The following TNIK variants were observed in gnomAD, a reference collection of about 807,000 sequenced individuals.
TNIK encodes the protein TRAF2 and NCK-interacting protein kinase.
TNIK carries 49 observed loss-of-function variants against 191.3 expected under a neutral mutation model. That is an observed-to-expected ratio of 0.26 (90% confidence interval 0.20 to 0.32). The LOEUF (loss-of-function observed/expected upper bound fraction) is 0.32, where lower values mean the gene tolerates loss of function less well. TNIK is among the 10% of genes least tolerant of loss of function. TNIK has a pLI of 1.00. For missense variants in TNIK, 1,155 were observed against 1,702.3 expected, an observed-to-expected ratio of 0.68 and a Z score of 5.66; for synonymous variants, 594 against 600.9, an observed-to-expected ratio of 0.99 and a Z score of 0.17.
intron 2 of TNIK, among the ~76,000 whole-genome samples, chr3:171,365,577 A>C (rs1715624534): frequency 6.6e-6 from 1 of 152,216 alleles, no homozygotes. Context: ...CATTTTAAGA[A>C]GGCAGGATCT....
intron 28 of TNIK, among the ~76,000 whole-genome samples, chr3:171,077,319 G>A (rs567917303): frequency 1.3e-5 from 2 of 152,088 alleles, no homozygotes; most frequent in African/African-American, 4.8e-5. Context: ...GGGTATTTTC[G>A]TCATCTTCCT....
chr3:171,105,113 A>G (rs1361956474), intron 21 of TNIK, among the ~76,000 whole-genome samples: 1 of 150,514 alleles, frequency 6.6e-6, no homozygotes, highest in Non-Finnish European at 1.5e-5. Flanking sequence ...TAGCAATAAC[A>G]AGCGACAATA....
Position 171,101,569 on chromosome 3 carries a change from T to C in TNIK, c.2471A>G (p.Lys824Arg). ...LRIEETNRPM[K>R]KVTDYSSSSE... ...GGAGGAGGAGTAATCAGTCACCTTC[T>C]TCATTGGGCGGTTTGTTTCTTCAAT... Residue 824 changes from lysine (K) to arginine (R), a missense_variant, in exon 22 of 33, where the codon AAG (lysine) becomes AGG (arginine). By Grantham distance (26) the Lys-to-Arg change is conservative (BLOSUM62 2). This residue lies in a region of TNIK where 735 missense variants were observed against 848.0 expected (regional missense o/e 0.87). Coordinates refer to ENST00000436636, the MANE Select transcript of TNIK (RefSeq NM_015028.4). The C allele has an allele frequency of 1.9e-6, 3 of 1,613,442 alleles. No individual in the cohort carries two copies. Among genetic ancestry groups the C allele is most frequent in the South Asian group, 2.2e-5 (2 of 91,050 alleles).
At chr3:171,322,149 C>G (rs1755230474) in intron 2 of TNIK, among the ~76,000 whole-genome samples, 1 of 152,094 alleles carries the variant, frequency 6.6e-6, no homozygotes, top group Non-Finnish European at 1.5e-5. Context: ...TAGCAATGCT[C>G]TCATAGAGAA....
At chr3:171,348,682 C>A (rs1221673807) in intron 2 of TNIK, among the ~76,000 whole-genome samples, 2 of 151,964 alleles carry the variant, frequency 1.3e-5, no homozygotes, top group Admixed American at 1.3e-4. Flanking sequence ...GAGAAAGGGG[C>A]CCACGGAGGC....
chr3:171,391,565 C>T (rs552563172), intron 1 of TNIK, among the ~76,000 whole-genome samples: 28 of 152,300 alleles, frequency 1.8e-4, no homozygotes, highest in South Asian at 4.2e-4. Context: ...TACTTATCTT[C>T]ACATAAATAA....
Position 171,060,067 on chromosome 3 carries a change from C to T in TNIK, c.*3814G>A, listed in dbSNP as rs536654958. Among the ~76,000 whole-genome samples the T allele has an allele frequency of 2.6e-5, 4 of 152,290 alleles. No homozygotes were observed. Among genetic ancestry groups the T allele is most frequent in the Admixed American group, 2.6e-4 (4 of 15,294 alleles). ...AGCACATCTTACATCTTAAAGCAATCAGCACAAATGCAAGTGATGCCTGTT... is the reference window on the plus strand; with the variant it reads ...AGCACATCTTACATCTTAAAGCAATTAGCACAAATGCAAGTGATGCCTGTT... On this transcript the variant is annotated 3_prime_UTR_variant, in exon 33 of 33. Coordinates refer to ENST00000436636, the MANE Select transcript of TNIK (RefSeq NM_015028.4).
intron 3 of TNIK, among the ~76,000 whole-genome samples, chr3:171,215,635 C>T (rs918899701): frequency 6.6e-6 from 1 of 152,094 alleles, no homozygotes; most frequent in African/African-American, 2.4e-5. Flanking sequence ...CATCTTAAGC[C>T]AGGGCAGAAG....
intron 1 of TNIK, among the ~76,000 whole-genome samples, chr3:171,443,492 T>C (rs1727094311): frequency 6.6e-6 from 1 of 152,156 alleles, no homozygotes; most frequent in African/African-American, 2.4e-5. Flanking sequence ...AGTTTTCAAA[T>C]GATGTCATTC....
At position 171,066,636 on chromosome 3, in the gene TNIK, T is replaced by C; in HGVS notation, c.3799A>G (p.Thr1267Ala). The C allele has an allele frequency of 6.2e-7, 1 of 1,613,816 alleles. No individual in the cohort carries two copies. The highest frequency in any genetic ancestry group is 8.5e-7 in the Non-Finnish European group (1 of 1,179,862). Residue 1267 changes from threonine (T) to alanine (A), a missense_variant, in exon 31 of 33, where the codon ACC (threonine) becomes GCC (alanine). Physicochemically the swap from Thr to Ala is moderately conservative, Grantham distance 58 (BLOSUM62 0). Coordinates refer to ENST00000436636, the MANE Select transcript of TNIK (RefSeq NM_015028.4). ...CYEDEGVYVN[T>A]YGRITKDVVL... The stretch of plus-strand genomic sequence containing the variant: ...ACATCCTTAGTTATCCGGCCATAGG[T>C]GTTTACATACACCCCCTCATCCTCA...
chr3:171,425,648 A>T (rs1016088983), intron 1 of TNIK, among the ~76,000 whole-genome samples: 1 of 152,096 alleles, frequency 6.6e-6, no homozygotes, highest in Non-Finnish European at 1.5e-5. Flanking sequence ...CAACATGGTG[A>T]AACCCTGTTC....
At chr3:171,216,560 G>A (rs1337544630) in intron 3 of TNIK, among the ~76,000 whole-genome samples, 3 of 152,162 alleles carry the variant, frequency 2.0e-5, no homozygotes, top group African/African-American at 7.2e-5. Flanking sequence ...CACATGAATA[G>A]GGTAACCTAG....
intron 1 of TNIK, among the ~76,000 whole-genome samples, chr3:171,378,155 G>C (rs1717519763): frequency 6.6e-6 from 1 of 152,150 alleles, no homozygotes; most frequent in South Asian, 2.1e-4. Context: ...GAGCAAACAG[G>C]CTCTCAGATT....
chr3:171,172,357 A>C (rs1735401990), intron 9 of TNIK, among the ~76,000 whole-genome samples: 1 of 152,152 alleles, frequency 6.6e-6, no homozygotes, highest in African/African-American at 2.4e-5. Flanking sequence ...GAAATAAAAG[A>C]ATGTTTTGGA....
intron 2 of TNIK, among the ~76,000 whole-genome samples, chr3:171,354,314 C>T (rs760630449): frequency 4.1e-4 from 62 of 152,264 alleles, no homozygotes; most frequent in Non-Finnish European, 6.6e-4. Context: ...ACACCAGCCA[C>T]GGAGAAGTAG....
chr3:171,419,678 C>G (rs1306567343), intron 1 of TNIK, among the ~76,000 whole-genome samples: 1 of 152,120 alleles, frequency 6.6e-6, no homozygotes, highest in African/African-American at 2.4e-5. Context: ...TACTCTGTGA[C>G]GTGGGGAGAG....
intron 4 of TNIK, among the ~76,000 whole-genome samples, chr3:171,202,332 A>G (rs1326302018): frequency 1.3e-5 from 2 of 152,166 alleles, no homozygotes; most frequent in Admixed American, 1.3e-4. Flanking sequence ...TTACACCCAA[A>G]TAGAAGAATG....
At chr3:171,459,525 C>G (rs898575222) in intron 1 of TNIK, among the ~76,000 whole-genome samples, 1 of 152,162 alleles carries the variant, frequency 6.6e-6, no homozygotes, top group African/African-American at 2.4e-5. Context: ...GCGGCAGGTT[C>G]GGCTTCGCGG....
At chr3:171,326,108 A>G (rs562754741) in intron 2 of TNIK, among the ~76,000 whole-genome samples, 10 of 152,308 alleles carry the variant, frequency 6.6e-5, no homozygotes, top group South Asian at 2.1e-4. Flanking sequence ...TCAAGATTAT[A>G]TATTTCAAGC....
Sources: gnomAD v4.1 joint callset for allele counts (sites outside exome capture counted in the v4.1 genomes callset) on GRCh38, gnomAD v4.1.1 for gene constraint, gnomAD v4.1.1 regional missense constraint, MANE v1.5 for transcripts, NCBI Gene and HGNC (gene_info 2026-07-23, HGNC 2026-07-21) for gene names.